SFMBT2: variants seen among roughly 807,000 people sequenced by gnomAD.
SFMBT2 encodes scm-like with four MBT domains protein 2.
A neutral mutation model predicts 110.1 loss-of-function variants in SFMBT2; 38 were observed. That is an observed-to-expected ratio of 0.35 (90% confidence interval 0.27 to 0.45). The LOEUF is 0.45. Among genes scored for constraint, SFMBT2 ranks in the 20% least tolerant of loss-of-function variants. The pLI, the probability that SFMBT2 is intolerant of heterozygous loss-of-function variation, is 1.00. For missense variants in SFMBT2, 1,011 were observed against 1,094.9 expected (o/e 0.92, Z 1.08); for synonymous variants, 425 against 425.4 (o/e 1.00, Z 0.01).
chr10:7,301,870 T>C lies in SFMBT2; in HGVS notation c.437-15916A>G, dbSNP rs1842567612. On this transcript the variant is annotated intron_variant, in intron 4 of 20. Transcript: ENST00000397167. The surrounding 1 kb of genome is among the most constrained non-coding windows in gnomAD (Gnocchi z 4.2). ...AAAAAAACCACTGGTGTAGAATTTT[T>C]TAAAAAACCGTTTTGGGCTGGGAGA... 6.6e-6 allele frequency among the ~76,000 whole-genome samples: 1 copy of C among 151,972 alleles called. No homozygotes were observed. Among genetic ancestry groups the C allele is most frequent in the Non-Finnish European group, 1.5e-5 (1 of 67,978 alleles).
chr10:7,177,092 C>T (rs1838087929), intron 16 of SFMBT2, among the ~76,000 whole-genome samples: 1 of 152,172 alleles, frequency 6.6e-6, no homozygotes, highest in Non-Finnish European at 1.5e-5. Flanking sequence ...CAGCAACCCC[C>T]TCCATGGCTT....
rs1021061491 is a variant in SFMBT2, at chr10:7,213,089, G to A, written c.1331-7161C>T. Among the ~76,000 whole-genome samples the A allele has an allele frequency of 7.2e-5, 11 of 152,166 alleles. 1 individual carries two copies. The Middle Eastern group carries it at 0.017, about 235-fold the overall frequency. ...ACACTGGGGCCTGTCAAGGGGTGGG[G>A]GTAAGGGGAGGGAGAGCATTAGGAC... is the stretch of plus-strand genomic sequence containing the variant. On this transcript the variant is annotated intron_variant, in intron 11 of 20. Coordinates refer to ENST00000397167, the MANE Select transcript of SFMBT2 (RefSeq NM_001387889.1).
At chr10:7,316,758 C>T (rs1285397290) in intron 4 of SFMBT2, among the ~76,000 whole-genome samples, 2 of 152,122 alleles carry the variant, frequency 1.3e-5, no homozygotes, top group East Asian at 1.9e-4. Context: ...CTGCTCACTT[C>T]GAGGATTTCT....
At chr10:7,203,535 A>C (rs1241826102) in intron 12 of SFMBT2, 1 of 273,914 alleles carries the variant, frequency 3.7e-6, no homozygotes, top group African/African-American at 2.3e-5. Flanking sequence ...GTGCTCCAGA[A>C]AAACCCAAAG....
chr10:7,197,493 A>C, intron 15 of SFMBT2, 55 bp downstream of exon 15: 1 of 1,588,802 alleles, frequency 6.3e-7, no homozygotes, highest in Admixed American at 1.7e-5. Flanking sequence ...CTGAGCCCAC[A>C]GCTTTTTAAA....
rs1201707762 is a variant in SFMBT2 at position 7,197,699 on chromosome 10, A to G, written c.1559-12T>C. ...CCCGTTGACGGTTCCTGCAGGGGACAGCAACATAGTCCATGCTTAGGACCA... is the reference window on the plus strand; with the variant it reads ...CCCGTTGACGGTTCCTGCAGGGGACGGCAACATAGTCCATGCTTAGGACCA... On this transcript the variant is annotated splice_polypyrimidine_tract_variant and intron_variant, in intron 14 of 20. Coordinates refer to ENST00000397167, the MANE Select transcript of SFMBT2 (RefSeq NM_001387889.1). The G allele has an allele frequency of 2.5e-6, 4 of 1,613,120 alleles. No homozygotes were observed. The highest frequency in any genetic ancestry group is 3.4e-6 in the Non-Finnish European group (4 of 1,179,748).
intron 4 of SFMBT2, among the ~76,000 whole-genome samples, chr10:7,332,354 C>A (rs892730543): frequency 6.6e-5 from 10 of 152,110 alleles, no homozygotes; most frequent in African/African-American, 2.4e-4. Flanking sequence ...CAGGGCTCAC[C>A]CAAGGCTTGA....
At chr10:7,200,631 C>A in intron 13 of SFMBT2, 147 bp from the exon 14 acceptor site, 1 of 552,812 alleles carries the variant, frequency 1.8e-6, no homozygotes, top group Non-Finnish European at 2.9e-6. Context: ...GGGAGCAATG[C>A]CAGTAAGACC....
At chr10:7,331,668 T>G (rs1443743104) in intron 4 of SFMBT2, among the ~76,000 whole-genome samples, 1 of 151,978 alleles carries the variant, frequency 6.6e-6, no homozygotes, top group African/African-American at 2.4e-5. Flanking sequence ...TCACATCCAC[T>G]CAAGTCACAG....
At chr10:7,252,484 T>A (rs1465018229) in intron 7 of SFMBT2, among the ~76,000 whole-genome samples, 1 of 152,204 alleles carries the variant, frequency 6.6e-6, no homozygotes, top group Non-Finnish European at 1.5e-5. Flanking sequence ...ACACAATCTC[T>A]TCCTTTTCTC....
At chr10:7,198,442 G>A (rs1164453455) in intron 14 of SFMBT2, among the ~76,000 whole-genome samples, 6 of 152,196 alleles carry the variant, frequency 3.9e-5, no homozygotes, top group Non-Finnish European at 8.8e-5. Context: ...TAGGCCACAG[G>A]TCTGCGCATC....
chr10:7,193,302 A>G (rs74954274), intron 15 of SFMBT2, among the ~76,000 whole-genome samples: 377 of 152,366 alleles, frequency 2.5e-3, no homozygotes, highest in Non-Finnish European at 4.1e-3. Context: ...GATGGCCCAC[A>G]TGAAAGGCAT....
Position 7,163,677 on chromosome 10 carries a change from A to G in SFMBT2, c.*93T>C. 1 of 1,176,462 alleles carries G rather than the reference A, an allele frequency of 8.5e-7. No individual in the cohort carries two copies. The highest frequency in any genetic ancestry group is 1.2e-6 in the Non-Finnish European group (1 of 812,302). The allele number at this position is 1,176,462 out of a possible 1,614,324, so 72.9% of individuals were successfully genotyped here. A position where few individuals can be genotyped will look rare whatever the true frequency, so the allele number is the denominator to read the frequency against. ...TCTGGTGATACTTAGTGGCTGTACC[A>G]TTTAACATATCCCGGAAAATCAAAG... On this transcript the variant is annotated 3_prime_UTR_variant, in exon 21 of 21. Coordinates refer to ENST00000397167, the MANE Select transcript of SFMBT2 (RefSeq NM_001387889.1). The surrounding 1 kb of genome is among the most constrained non-coding windows in gnomAD (Gnocchi z 4.8).
In SFMBT2 at chr10:7,202,591, G is replaced by C. The variant is rs2692828; in HGVS notation, c.1445-69C>G. Reference sequence around the variant, plus strand: ...TGGGGCAAGTCCATTTTTAAAAATAGGTTATAAAGCAAAGAGGTACCCATT... The same window carrying C: ...TGGGGCAAGTCCATTTTTAAAAATACGTTATAAAGCAAAGAGGTACCCATT... On this transcript the variant is annotated intron_variant, in intron 12 of 20. Coordinates refer to ENST00000397167, the MANE Select transcript of SFMBT2 (RefSeq NM_001387889.1). 1.7e-3 allele frequency: 2,766 copies of C among 1,612,060 alleles called. 32 individuals are homozygous for C. In the African/African-American group the frequency reaches 0.029, roughly 17 times the overall value.
intron 16 of SFMBT2, among the ~76,000 whole-genome samples, chr10:7,178,923 G>A (rs895234862): frequency 6.6e-6 from 1 of 152,142 alleles, no homozygotes; most frequent in East Asian, 1.9e-4. Flanking sequence ...CAGATCATAG[G>A]TTTTTATTTC....
chr10:7,165,263 T>C (rs1837667658), intron 20 of SFMBT2, among the ~76,000 whole-genome samples: 1 of 152,176 alleles, frequency 6.6e-6, no homozygotes, highest in Non-Finnish European at 1.5e-5. Flanking sequence ...CACAAGGACA[T>C]TAATAGCCAA....
At position 7,271,291 on chromosome 10, in the gene SFMBT2, C is replaced by CAAAAA. The variant is rs56364927; in HGVS notation, c.870+5596_870+5600dup. Among the ~76,000 whole-genome samples, 388 of 96,768 alleles carry CAAAAA rather than the reference C, an allele frequency of 4.0e-3. 5 individuals carry two copies. Among genetic ancestry groups the CAAAAA allele is most frequent in the Middle Eastern group, 0.011 (2 of 180 alleles). 63.5% of individuals were successfully genotyped at this position (96,768 alleles called of 152,430 possible). A position where few individuals can be genotyped will look rare whatever the true frequency, so the allele number is the denominator to read the frequency against. On this transcript the variant is annotated intron_variant, in intron 7 of 20. Coordinates refer to ENST00000397167, the MANE Select transcript of SFMBT2 (RefSeq NM_001387889.1). ...CTGGGTGACAGGGCAAGATTGCCTCCAAAAAAAAAAAAAAAAAAAATTAAA... is the reference window on the plus strand; with the variant it reads ...CTGGGTGACAGGGCAAGATTGCCTCCAAAAAAAAAAAAAAAAAAAAAAAAATTAAA...
intron 4 of SFMBT2, among the ~76,000 whole-genome samples, chr10:7,287,113 G>A (rs991374552): frequency 1.0e-4 from 12 of 118,476 alleles, no homozygotes; most frequent in African/African-American, 3.5e-4. Context: ...ACAGAGTCTC[G>A]CTCTTTCACC....
intron 16 of SFMBT2, among the ~76,000 whole-genome samples, chr10:7,182,217 T>C (rs1418161763): frequency 6.6e-6 from 1 of 152,178 alleles, no homozygotes; most frequent in African/African-American, 2.4e-5. Context: ...TTTGTATTTT[T>C]AGTAGAGATG....
Sources: allele counts gnomAD v4.1 joint callset (sites outside exome capture counted in the v4.1 genomes callset), GRCh38; gene constraint gnomAD v4.1.1; non-coding constraint Gnocchi (gnomAD v3.1); transcripts MANE v1.5; gene names NCBI Gene and HGNC (gene_info 2026-07-23, HGNC 2026-07-21).